Variants in KIF13B observed in about 807,000 individuals in gnomAD.
KIF13B encodes the protein kinesin family member 13B.
Under a neutral mutation model 222.0 loss-of-function variants are expected in KIF13B, and 127 were observed. That is an observed-to-expected ratio of 0.57 (90% CI 0.50 to 0.66). The LOEUF (loss-of-function observed/expected upper bound fraction) is 0.66, where lower values mean the gene tolerates loss of function less well. Among genes scored for constraint, KIF13B ranks in the 30% least tolerant of loss-of-function variants. KIF13B has a pLI of 0.00. For missense variants in KIF13B, 2,173 were observed against 2,379.0 expected, an observed-to-expected ratio of 0.91 and a Z score of 1.80; for synonymous variants, 976 against 919.0, an observed-to-expected ratio of 1.06 and a Z score of -1.12.
At chr8:29,140,005 G>A (rs1232171583) in intron 21 of KIF13B, 58 bp downstream of exon 21, 13 of 1,479,804 alleles carry the variant, frequency 8.8e-6, no homozygotes, top group Non-Finnish European at 1.0e-5. Flanking sequence ...TAAAAGTAAT[G>A]GCAAAAACTG....
chr8:29,146,443 C>G lies in KIF13B; in HGVS notation c.2122G>C (p.Asp708His). Reference protein sequence around the residue: ...REANYIAEELDKRTEYKVTLQ... With the variant: ...REANYIAEELHKRTEYKVTLQ... ...GTAACTTTGTATTCTGTTCTTTTAT[C>G]CAGCTCCTCAGCAATGTAATTAGCT... Residue 708 changes from aspartate (D) to histidine (H), a missense_variant, in exon 18 of 40, where the codon GAT becomes CAT. Physicochemically the swap from Asp to His is moderately conservative, Grantham distance 81. This residue lies in a region of KIF13B where 1,480 missense variants were observed against 1,722.8 expected (regional missense o/e 0.86). Transcript: ENST00000524189. 6.2e-7 allele frequency: 1 copy of G among 1,613,834 alleles called. No individual in the cohort carries two copies. The highest frequency in any genetic ancestry group is 8.5e-7 in the Non-Finnish European group (1 of 1,179,820).
At chr8:29,204,760 G>A (rs775137331) in intron 2 of KIF13B, among the ~76,000 whole-genome samples, 54 of 151,348 alleles carry the variant, frequency 3.6e-4, no homozygotes, top group South Asian at 6.2e-4. Context: ...TCTGGCCTTC[G>A]GCCACAGACC....
intron 21 of KIF13B, among the ~76,000 whole-genome samples, chr8:29,135,354 T>C (rs1810511096): frequency 6.6e-6 from 1 of 152,194 alleles, no homozygotes; most frequent in Non-Finnish European, 1.5e-5. Context: ...GTGGTTTGAT[T>C]TTTAATTTGG....
rs115779776 is a variant in KIF13B, at chr8:29,257,721, G to A, written c.55+5259C>T. Among the ~76,000 whole-genome samples the A allele has an allele frequency of 3.2e-3, 491 of 152,170 alleles. 2 individuals carry two copies. Among genetic ancestry groups the A allele is most frequent in the African/African-American group, 0.011 (452 of 41,512 alleles). ...CACAGCAGGCTGCAGCAGGAATATCGCTAGAGCCCAGGAGGTTGAGGTTGA... is the reference window on the plus strand; with the variant it reads ...CACAGCAGGCTGCAGCAGGAATATCACTAGAGCCCAGGAGGTTGAGGTTGA... On this transcript the variant is annotated intron_variant, in intron 1 of 39. Transcript: ENST00000524189.
chr8:29,153,982 ATTTC>A (rs1407010086), intron 14 of KIF13B, among the ~76,000 whole-genome samples: 1 of 152,196 alleles, frequency 6.6e-6, no homozygotes, highest in Non-Finnish European at 1.5e-5. Context: ...TCCTATCTAG[ATTTC>A]TTTCATGATG....
In KIF13B at chr8:29,068,425, C is replaced by T. The variant is rs748443684; in HGVS notation, c.*2079G>A. 2 of 152,334 alleles carry T rather than the reference C, an allele frequency of 1.3e-5. No individual in the cohort carries two copies. Among genetic ancestry groups the T allele is most frequent in the Admixed American group, 6.5e-5 (1 of 15,280 alleles). 9.4% of individuals were successfully genotyped at this position (152,334 alleles called of 1,614,324 possible). ...TTCCCAGCCACAAGCTGACATTAGT[C>T]CGCACCGAGAAGCAAGAGTGAACAG... On this transcript the variant is annotated 3_prime_UTR_variant, in exon 40 of 40. Coordinates refer to ENST00000524189, the MANE Select transcript of KIF13B (RefSeq NM_015254.4). The surrounding 1 kb of genome is among the most constrained non-coding windows in gnomAD (Gnocchi z 4.4).
rs35539806 is a variant in KIF13B at position 29,107,562 on chromosome 8, C to CTT, written c.4215+575_4215+576dup. ...ACACACAAAATCTAATTTGAAGTTT[C>CTT]TTTTTTTTTTTTTTTTTGAGACAGA... On this transcript the variant is annotated intron_variant, in intron 35 of 39. Transcript: ENST00000524189. Among the ~76,000 whole-genome samples the CTT allele has an allele frequency of 6.7e-5, 9 of 134,828 alleles. No individual in the cohort carries two copies. In the South Asian group the frequency reaches 7.3e-4, roughly 11 times the overall value. The allele number at this position is 134,828 out of a possible 152,430, so 88.5% of individuals were successfully genotyped here.
chr8:29,098,529 G>C (rs1224459161), intron 36 of KIF13B, among the ~76,000 whole-genome samples: 1 of 151,512 alleles, frequency 6.6e-6, no homozygotes, highest in Non-Finnish European at 1.5e-5. Context: ...CTTGAACCTG[G>C]GAGGGGCAGG....
Position 29,079,622 on chromosome 8 carries a change from G to A in KIF13B, c.4459-4279C>T, listed in dbSNP as rs541363843. Among the ~76,000 whole-genome samples the A allele has an allele frequency of 5.9e-5, 9 of 152,324 alleles. 1 individual carries two copies. The East Asian group carries it at 1.7e-3, about 29-fold the overall frequency. On this transcript the variant is annotated intron_variant, in intron 37 of 39. Transcript: ENST00000524189. ...GAAATGTGGGCATCGGGGAGGTAAA[G>A]GGGAAAAGAGGTCCCAGTTGAAACA...
chr8:29,167,351 C>T (rs761122267), intron 11 of KIF13B, 22 bp downstream of exon 11: 14 of 1,579,716 alleles, frequency 8.9e-6, no homozygotes, highest in East Asian at 4.5e-5. Context: ...ACTCACAGGG[C>T]GCACGCGGTG....
intron 35 of KIF13B, among the ~76,000 whole-genome samples, chr8:29,102,337 C>T (rs986337458): frequency 2.6e-5 from 4 of 152,256 alleles, no homozygotes; most frequent in African/African-American, 9.6e-5. Context: ...GTCTACCACA[C>T]TTCAGAATCA....
Position 29,116,948 on chromosome 8 carries a change from G to A in KIF13B, c.3720C>T (p.Gly1240=). 6 of 1,612,034 alleles carry A rather than the reference G, an allele frequency of 3.7e-6. No individual in the cohort carries two copies. The highest frequency in any genetic ancestry group is 4.2e-6 in the Non-Finnish European group (5 of 1,178,542). ...AVHGCPQLSR[G]TPVDERLFLI... is the part of the protein sequence containing the mutation. ...GGAACAACCGCTCGTCCACGGGCGT[G>A]CCCCTGCTGAGCTGAGGGCAGCCAT... The change falls in exon 31 of 40, where the codon GGC becomes GGT. Residue 1240 remains glycine (G), a synonymous_variant. Transcript: ENST00000524189.
chr8:29,166,704 C>CAAAAA (rs67653605), intron 11 of KIF13B, among the ~76,000 whole-genome samples: 1 of 128,152 alleles, frequency 7.8e-6, no homozygotes. Context: ...AACTCCACCT[C>CAAAAA]AAAAAAAAAA....
At position 29,116,878 on chromosome 8, in the gene KIF13B, G is replaced by C. The variant is rs747553029; in HGVS notation, c.3790C>G (p.Gln1264Glu). Reference protein sequence around the residue: ...TVQLSHPADMQLVLRKRICVN... With the variant: ...TVQLSHPADMELVLRKRICVN... The stretch of plus-strand genomic sequence containing the variant: ...CAGATTCTCTTGCGTAACACCAGTT[G>C]CATGTCAGCAGGGTGGCTGAGCTGG... Residue 1264 changes from glutamine to glutamate, a missense_variant, in exon 31 of 40, where the codon CAA becomes GAA. By Grantham distance (29) the Gln-to-Glu change is conservative. Coordinates refer to ENST00000524189, the MANE Select transcript of KIF13B (RefSeq NM_015254.4). 6.3e-7 allele frequency: 1 copy of C among 1,590,858 alleles called. No individual in the cohort carries two copies. The highest frequency in any genetic ancestry group is 8.6e-7 in the Non-Finnish European group (1 of 1,165,036).
chr8:29,211,703 C>T (rs1227392588), intron 2 of KIF13B, among the ~76,000 whole-genome samples: 1 of 152,202 alleles, frequency 6.6e-6, no homozygotes, highest in East Asian at 1.9e-4. Flanking sequence ...ATTCCCAGAG[C>T]TTGCACGGGG....
chr8:29,241,443 TTC>T (rs1443621055), intron 2 of KIF13B, among the ~76,000 whole-genome samples: 1 of 152,262 alleles, frequency 6.6e-6, no homozygotes, highest in Non-Finnish European at 1.5e-5. Context: ...ATCTATTTGG[TTC>T]TTAGAAGCTT....
At chr8:29,224,760 G>GA (rs1166611283) in intron 2 of KIF13B, among the ~76,000 whole-genome samples, 1 of 152,006 alleles carries the variant, frequency 6.6e-6, no homozygotes, top group South Asian at 2.1e-4. Flanking sequence ...ACCCTGGAGT[G>GA]TGTACGCGTA....
At position 29,067,682 on chromosome 8, in the gene KIF13B, A is replaced by C. The variant is rs1807060308; in HGVS notation, c.*2822T>G. ...CCGTCTTGTGTGCGTGCGCACAGCC[A>C]CCAACACACACTCTCAGGACTTCCC... On this transcript the variant is annotated 3_prime_UTR_variant, in exon 40 of 40. Coordinates refer to ENST00000524189, the MANE Select transcript of KIF13B (RefSeq NM_015254.4). 1 of 152,290 alleles carries C rather than the reference A, an allele frequency of 6.6e-6. No individual in the cohort carries two copies. The highest frequency in any genetic ancestry group is 2.4e-5 in the African/African-American group (1 of 41,464). The allele number at this position is 152,290 out of a possible 1,614,324, so 9.4% of individuals were successfully genotyped here. A position where few individuals can be genotyped will look rare whatever the true frequency, so the allele number is the denominator to read the frequency against.
At chr8:29,125,856 C>T (rs1563722707) in intron 26 of KIF13B, among the ~76,000 whole-genome samples, 1 of 152,046 alleles carries the variant, frequency 6.6e-6, no homozygotes, top group Non-Finnish European at 1.5e-5. Context: ...TGCCTGTAAT[C>T]CCAACACTTT....
Sources: allele counts gnomAD v4.1 joint callset (sites outside exome capture counted in the v4.1 genomes callset), GRCh38; gene constraint gnomAD v4.1.1; regional missense constraint gnomAD v4.1.1; non-coding constraint Gnocchi (gnomAD v3.1); transcripts MANE v1.5; gene names NCBI Gene and HGNC (gene_info 2026-07-23, HGNC 2026-07-21).